Variants in IFI44 observed in about 807,000 individuals in gnomAD.
IFI44 encodes the protein interferon induced protein 44, also known as interferon-induced protein 44.
Under a neutral mutation model 45.0 loss-of-function variants are expected in IFI44, and 42 were observed. That is an observed-to-expected ratio of 0.93 (90% CI 0.73 to 1.21). The LOEUF (loss-of-function observed/expected upper bound fraction) is 1.21, where lower values mean the gene tolerates loss of function less well. IFI44 is among the 50% of genes most tolerant of loss of function. IFI44 has a pLI of 0.00. For missense variants in IFI44, 623 were observed against 525.8 expected (o/e 1.18, Z -1.81); for synonymous variants, 221 against 188.6 (o/e 1.17, Z -1.41).
intron 7 of IFI44, among the ~76,000 whole-genome samples, chr1:78,661,445 A>G (rs1174521023): frequency 6.6e-6 from 1 of 152,034 alleles, no homozygotes; most frequent in Non-Finnish European, 1.5e-5. Flanking sequence ...GTCTATCTTT[A>G]CACTGACATG....
rs376103917 is a variant in IFI44, at chr1:78,659,368, G to C, written c.897G>C (p.Ser299=). ...LNHHDYIDSP[S]LKDRIHCVAF... is the part of the protein sequence containing the mutation. ...ATCATGACTACATTGATTCCCCATC[G>C]CTGAAGGACAGAATTCATTGTGTGG... Residue 299 remains serine (S), a synonymous_variant, in exon 6 of 9, where the codon TCG becomes TCC. Transcript: ENST00000370747. The C allele has an allele frequency of 3.5e-5, 57 of 1,613,186 alleles. No homozygotes were observed. The highest frequency in any genetic ancestry group is 4.5e-5 in the Non-Finnish European group (53 of 1,179,394).
intron 2 of IFI44, 41 bp downstream of exon 2, chr1:78,650,693 C>A: frequency 1.5e-6 from 2 of 1,327,890 alleles, no homozygotes; most frequent in Non-Finnish European, 1.0e-6. Context: ...TTCTCCCTTG[C>A]ATGTTTGGTA....
In IFI44 at chr1:78,662,327, A is replaced by T. The variant is rs111685449; in HGVS notation, c.1114-377A>T. ...GAGCAGTGACAGATAAATATTTCGA[A>T]CCTAGGCAGTTTGATTCTAGAGGTA... On this transcript the variant is annotated intron_variant, in intron 7 of 8. Transcript: ENST00000370747. 6.6e-3 allele frequency among the ~76,000 whole-genome samples: 1,006 copies of T among 152,320 alleles called. 9 individuals carry two copies. Among genetic ancestry groups the T allele is most frequent in the African/African-American group, 0.023 (970 of 41,580 alleles).
At position 78,662,809 on chromosome 1, in the gene IFI44, C is replaced by G; in HGVS notation, c.1219C>G (p.Leu407Val). The G allele has an allele frequency of 6.2e-7, 1 of 1,613,740 alleles. No homozygotes were observed. Among genetic ancestry groups the G allele is most frequent in the South Asian group, 1.1e-5 (1 of 91,056 alleles). ...ELDPVKDVLILSALRRMLWAA... is the reference protein window; with the variant it reads ...ELDPVKDVLIVSALRRMLWAA... ...GGACCCTGTAAAGGATGTTCTAATT[C>G]TTTCTGCTCTGAGACGAATGCTATG... Residue 407 changes from leucine (L) to valine (V), a missense_variant, in exon 8 of 9, where the codon CTT becomes GTT. By Grantham distance (32) the Leu-to-Val change is conservative. Coordinates refer to ENST00000370747, the MANE Select transcript of IFI44 (RefSeq NM_006417.5).
rs746885400 is a variant in IFI44, at chr1:78,662,750, C to T, written c.1160C>T (p.Ser387Leu). 1.7e-5 allele frequency: 28 copies of T among 1,613,552 alleles called. No homozygotes were observed. Among genetic ancestry groups the T allele is most frequent in the African/African-American group, 8.0e-5 (6 of 74,836 alleles). Residue 387 changes from serine (S) to leucine (L), a missense_variant, in exon 8 of 9, where the codon TCG (serine) becomes TTG (leucine). By Grantham distance (145) the Ser-to-Leu change is moderately radical. Coordinates refer to ENST00000370747, the MANE Select transcript of IFI44 (RefSeq NM_006417.5). ...CTTGGATTTGCTCTTTCTGACATCT[C>T]GGTGGTTAGCAATTATTCCTCTGAG... The part of the protein sequence containing the change: ...RKLGFALSDI[S>L]VVSNYSSEWE...
intron 7 of IFI44, 143 bp downstream of exon 7, chr1:78,660,797 T>A (rs1477880284): frequency 1.5e-6 from 1 of 686,700 alleles, no homozygotes; most frequent in East Asian, 2.8e-5. Flanking sequence ...TTTCCCAAGA[T>A]TTAAAAATTA....
rs778499760 is a variant in IFI44, at chr1:78,650,206, C to G, written c.11C>G (p.Thr4Arg). Residue 4 changes from threonine (T) to arginine (R), a missense_variant, in exon 2 of 9, where the codon ACA becomes AGA. By Grantham distance (71) the Thr-to-Arg change is moderately conservative. Coordinates refer to ENST00000370747, the MANE Select transcript of IFI44 (RefSeq NM_006417.5). MAV[T>R]TRLTWLHEKI... ...ACTAGATCAAGAAGTATGGCAGTGA[C>G]AACTCGTTTGACATGGTTGCACGAA... is the stretch of plus-strand genomic sequence containing the variant. 1.9e-6 allele frequency: 3 copies of G among 1,599,846 alleles called. No homozygotes were observed. Among genetic ancestry groups the G allele is most frequent in the Non-Finnish European group, 2.6e-6 (3 of 1,168,810 alleles).
In IFI44 at chr1:78,654,268, AG is replaced by A; in HGVS notation, c.487del (p.Val163SerfsTer12). ...EDSLDERKIK[G>X]VIELRKSLLS... ...ATTCACTGGATGAAAGAAAGATAAAAGGGGTCATTGAGTAAGTCAATGTTTT... is the reference window on the plus strand; with the variant it reads ...ATTCACTGGATGAAAGAAAGATAAAAGGGTCATTGAGTAAGTCAATGTTTT... On this transcript the variant is annotated frameshift_variant, in exon 3 of 9. Coordinates refer to ENST00000370747, the MANE Select transcript of IFI44 (RefSeq NM_006417.5). LOFTEE classifies it high-confidence loss of function. The A allele has an allele frequency of 1.3e-6, 2 of 1,487,166 alleles. No homozygotes were observed. Among genetic ancestry groups the A allele is most frequent in the Non-Finnish European group, 1.9e-6 (2 of 1,066,152 alleles). 92.1% of individuals were successfully genotyped at this position (1,487,166 alleles called of 1,614,324 possible).
chr1:78,661,994 AT>A (rs1196731099), intron 7 of IFI44, among the ~76,000 whole-genome samples: 1 of 152,222 alleles, frequency 6.6e-6, no homozygotes, highest in African/African-American at 2.4e-5. Context: ...TAGGAGCATT[AT>A]GAGGAATCAC....
chr1:78,659,196 T>A, intron 5 of IFI44, 116 bp from the exon 6 acceptor site: 1 of 785,236 alleles, frequency 1.3e-6, no homozygotes, highest in Non-Finnish European at 2.0e-6. Flanking sequence ...AGCCTCATAC[T>A]ATTAGAGACT....
In IFI44 at chr1:78,659,345, C is replaced by A. The variant is rs553580943; in HGVS notation, c.874C>A (p.His292Asn). ...NPMESIKLNH[H>N]DYIDSPSLKD... ...CATGGAATCAATCAAATTAAATCAT[C>A]ATGACTACATTGATTCCCCATCGCT... Residue 292 changes from histidine (H) to asparagine (N), a missense_variant, in exon 6 of 9, where the codon CAT becomes AAT. Coordinates refer to ENST00000370747, the MANE Select transcript of IFI44 (RefSeq NM_006417.5). 1.9e-6 allele frequency: 3 copies of A among 1,612,886 alleles called. No homozygotes were observed. In the South Asian group the frequency reaches 3.3e-5, roughly 18 times the overall value.
chr1:78,662,670 G>C (rs1405496552), intron 7 of IFI44, 34 bp from the exon 8 acceptor site: 5 of 1,485,326 alleles, frequency 3.4e-6, no homozygotes, highest in Non-Finnish European at 4.7e-6. Context: ...ATTTTTCACT[G>C]TTTTGCAATG....
rs141218964 is a variant in IFI44 at position 78,651,110 on chromosome 1, G to C, written c.457+458G>C. Among the ~76,000 whole-genome samples the C allele has an allele frequency of 4.7e-4, 72 of 152,330 alleles. No homozygotes were observed. In the East Asian group the frequency reaches 8.9e-3, roughly 19 times the overall value. ...GTGGTCACCAACCTTTTTGGCACCA[G>C]GGACCAGTTTCGTGGAAGACAATTT... On this transcript the variant is annotated intron_variant, in intron 2 of 8. Coordinates refer to ENST00000370747, the MANE Select transcript of IFI44 (RefSeq NM_006417.5).
chr1:78,660,987 T>C (rs1427698207), intron 7 of IFI44, among the ~76,000 whole-genome samples: 1 of 152,236 alleles, frequency 6.6e-6, no homozygotes, highest in East Asian at 1.9e-4. Flanking sequence ...AAATGCTTTG[T>C]AAATAGTTGT....
intron 3 of IFI44, 71 bp from the exon 4 acceptor site, chr1:78,654,943 C>A (rs901323349): frequency 2.1e-5 from 24 of 1,166,676 alleles, no homozygotes; most frequent in Admixed American, 2.9e-5. Context: ...AAAATGAATT[C>A]TCAGAAAATT....
intron 5 of IFI44, among the ~76,000 whole-genome samples, chr1:78,657,357 A>G (rs1349271475): frequency 6.6e-6 from 1 of 151,968 alleles, no homozygotes; most frequent in Non-Finnish European, 1.5e-5. Flanking sequence ...ACGTAATCTG[A>G]ACTCCATTAT....
intron 6 of IFI44, among the ~76,000 whole-genome samples, chr1:78,659,821 T>C (rs932520641): frequency 6.6e-6 from 1 of 152,210 alleles, no homozygotes; most frequent in South Asian, 2.1e-4. Flanking sequence ...TCGCATGCTT[T>C]ATTGACCAAT....
chr1:78,654,349 C>T, intron 3 of IFI44, 70 bp downstream of exon 3: 2 of 808,916 alleles, frequency 2.5e-6, no homozygotes, highest in Non-Finnish European at 4.2e-6. Flanking sequence ...TAGGTCTCAT[C>T]AATATAATTG....
At chr1:78,651,406 A>G (rs1647123119) in intron 2 of IFI44, among the ~76,000 whole-genome samples, 2 of 152,092 alleles carry the variant, frequency 1.3e-5, no homozygotes, top group Non-Finnish European at 2.9e-5. Flanking sequence ...TTGCGCTCCT[A>G]TGAGAATCTA....
Sources: gnomAD v4.1 joint callset for allele counts (sites outside exome capture counted in the v4.1 genomes callset) on GRCh38, gnomAD v4.1.1 for gene constraint, MANE v1.5 for transcripts, NCBI Gene and HGNC (gene_info 2026-07-23, HGNC 2026-07-21) for gene names.